The following ZMYM2 variants were observed in gnomAD, a reference collection of about 807,000 sequenced individuals.
ZMYM2 encodes the protein zinc finger MYM-type protein 2.
Under a neutral mutation model 162.8 loss-of-function variants are expected in ZMYM2, and 56 were observed. That is an observed-to-expected ratio of 0.34 (90% CI 0.28 to 0.43). The LOEUF (loss-of-function observed/expected upper bound fraction) is 0.43, where lower values mean the gene tolerates loss of function less well. Among genes scored for constraint, ZMYM2 ranks in the 20% least tolerant of loss-of-function variants. The pLI is 1.00. For missense variants in ZMYM2, 1,275 were observed against 1,621.8 expected (o/e 0.79, Z 3.67); for synonymous variants, 510 against 541.6 (o/e 0.94, Z 0.81).
In ZMYM2 at chr13:19,993,363, C is replaced by G. The variant is rs774888472; in HGVS notation, c.291C>G (p.Ser97=). 6.2e-7 allele frequency: 1 copy of G among 1,613,504 alleles called. No homozygotes were observed. Among genetic ancestry groups the G allele is most frequent in the Admixed American group, 1.7e-5 (1 of 59,922 alleles). The part of the protein sequence containing the change: ...SKNEELQGND[S]KITPSSKELA... ...ATGAAGAACTACAAGGAAATGATTC[C>G]AAAATTACTCCTTCCTCAAAAGAGT... Residue 97 remains serine, a synonymous_variant, in exon 3 of 25, where the codon TCC becomes TCG. Transcript: ENST00000610343.
At chr13:19,903,501 A>G in the ZMYM2 span, among the ~76,000 whole-genome samples, 818 of 150,850 alleles carry the variant, frequency 5.4e-3, 4 homozygotes, top group Middle Eastern at 0.014. Flanking sequence ...AAAAAAAAAA[A>G]AAAGAAAATT....
the ZMYM2 span, among the ~76,000 whole-genome samples, chr13:19,941,590 T>C: frequency 1.1e-4 from 17 of 152,236 alleles, 1 homozygote; most frequent in Admixed American, 1.0e-3. Flanking sequence ...AATTGGCTAG[T>C]TGGCTTTCTG....
At chr13:19,874,503 G>T in the ZMYM2 span, among the ~76,000 whole-genome samples, 9 of 152,280 alleles carry the variant, frequency 5.9e-5, no homozygotes, top group East Asian at 5.8e-4. Flanking sequence ...AAGTAGCTGG[G>T]ATTAGAGATG....
At chr13:19,991,690 G>A (rs1949642679) in intron 2 of ZMYM2, among the ~76,000 whole-genome samples, 1 of 150,922 alleles carries the variant, frequency 6.6e-6, no homozygotes, top group African/African-American at 2.4e-5. Flanking sequence ...GAGTGCAAGG[G>A]CACAATCATG....
At chr13:19,944,474 A>C in the ZMYM2 span, among the ~76,000 whole-genome samples, 1 of 152,312 alleles carries the variant, frequency 6.6e-6, no homozygotes, top group South Asian at 2.1e-4. Context: ...TTAAGATACA[A>C]TGTTGAATTA....
chr13:19,933,931 A>G, the ZMYM2 span, among the ~76,000 whole-genome samples: 2 of 152,248 alleles, frequency 1.3e-5, no homozygotes, highest in Non-Finnish European at 2.9e-5. Context: ...AGTATCCACT[A>G]TACTGAAAAT....
rs563418399 is a variant in ZMYM2 at position 19,977,982 on chromosome 13, T to C, written c.-10-15081T>C. 1.7e-4 allele frequency among the ~76,000 whole-genome samples: 26 copies of C among 151,210 alleles called. No individual in the cohort carries two copies. The East Asian group carries it at 4.9e-3, about 29-fold the overall frequency. On this transcript the variant is annotated intron_variant, in intron 2 of 24. Coordinates refer to ENST00000610343, the MANE Select transcript of ZMYM2 (RefSeq NM_197968.4). ...AGCCCCGCCTCCCGGGTTCATGCCATTATCCTGCCTCAGCCTCCTGAGCAG... is the reference window on the plus strand; with the variant it reads ...AGCCCCGCCTCCCGGGTTCATGCCACTATCCTGCCTCAGCCTCCTGAGCAG...
chr13:20,062,873 G>A lies in ZMYM2; in HGVS notation c.2939G>A (p.Gly980Asp), dbSNP rs758808920. The A allele has an allele frequency of 6.3e-7, 1 of 1,586,942 alleles. No homozygotes were observed. Among genetic ancestry groups the A allele is most frequent in the South Asian group, 1.1e-5 (1 of 87,654 alleles). Residue 980 changes from glycine to aspartate, a missense_variant, in exon 18 of 25, where the codon GGT becomes GAT. Gly to Asp is a moderately conservative substitution (Grantham distance 94). Around this residue, in one of 10 missense-constraint regions of ZMYM2, gnomAD observed 229 missense variants for 283.8 expected, o/e 0.81. Coordinates refer to ENST00000610343, the MANE Select transcript of ZMYM2 (RefSeq NM_197968.4). ...NSVIIETDII[G>D]SDLLKNSDPE... ...GTAATTATTGAAACAGATATAATTG[G>A]TTCAGACCTTTTGAAGAACTCTGAC...
At chr13:20,052,795 A>G (rs2140607089) in intron 14 of ZMYM2, among the ~76,000 whole-genome samples, 1 of 152,338 alleles carries the variant, frequency 6.6e-6, no homozygotes, top group South Asian at 2.1e-4. Flanking sequence ...TGGCAGAACT[A>G]CTTACTAGAG....
At chr13:19,951,082 A>G in the ZMYM2 span, among the ~76,000 whole-genome samples, 2 of 152,182 alleles carry the variant, frequency 1.3e-5, no homozygotes, top group Non-Finnish European at 2.9e-5. Flanking sequence ...TGTGTGGCCC[A>G]AGACAATAAT....
At position 20,019,191 on chromosome 13, in the gene ZMYM2, C is replaced by T. The variant is rs144923809; in HGVS notation, c.1513-356C>T. ...CCAAATGACTTAATTTAGAAAGCTT[C>T]GAGTTTCATTATAAGTGTTAACAGT... On this transcript the variant is annotated intron_variant, in intron 6 of 24. Transcript: ENST00000610343. Among the ~76,000 whole-genome samples the T allele has an allele frequency of 2.8e-3, 422 of 151,766 alleles. 2 individuals are homozygous for T. The highest frequency in any genetic ancestry group is 9.3e-3 in the African/African-American group (385 of 41,340).
rs966628421 is a variant in ZMYM2 at position 20,074,229 on chromosome 13, TGTGTGTGTGA to T, written c.3453+6841_3453+6850del. On this transcript the variant is annotated intron_variant, in intron 21 of 24. Coordinates refer to ENST00000610343, the MANE Select transcript of ZMYM2 (RefSeq NM_197968.4). Reference sequence around the variant, plus strand: ...GTGTGTGTGTGTGTGTGTGTGTGTGTGTGTGTGTGAGAGAGACAGAGAGACAGGGTCTCAC... The same window carrying T: ...GTGTGTGTGTGTGTGTGTGTGTGTGTGAGAGACAGAGAGACAGGGTCTCAC... Among the ~76,000 whole-genome samples, 19 of 143,146 alleles carry T rather than the reference TGTGTGTGTGA, an allele frequency of 1.3e-4. No homozygotes were observed. In the East Asian group the frequency reaches 2.2e-3, roughly 16 times the overall value. The allele number at this position is 143,146 out of a possible 152,430, so 93.9% of individuals were successfully genotyped here. A position where few individuals can be genotyped will look rare whatever the true frequency, so the allele number is the denominator to read the frequency against.
In ZMYM2 at chr13:19,962,823, C is replaced by CA. The variant is rs2139090994; in HGVS notation, c.-11+2798dup. 2.2e-5 allele frequency among the ~76,000 whole-genome samples: 2 copies of CA among 92,352 alleles called. 1 individual carries two copies. Among genetic ancestry groups the CA allele is most frequent in the South Asian group, 7.5e-4 (2 of 2,682 alleles). The allele number at this position is 92,352 out of a possible 152,430, so 60.6% of individuals were successfully genotyped here. On this transcript the variant is annotated intron_variant, in intron 2 of 24. Transcript: ENST00000610343. Reference sequence around the variant, plus strand: ...ACAGGCGTAAGCCACCTTGCCCAGCCATTTTTTTTTTTTTTTTTTTGAGAC... The same window carrying CA: ...ACAGGCGTAAGCCACCTTGCCCAGCCAATTTTTTTTTTTTTTTTTTTGAGAC...
At chr13:19,998,107 G>A (rs1471805570) in intron 3 of ZMYM2, among the ~76,000 whole-genome samples, 1 of 152,134 alleles carries the variant, frequency 6.6e-6, no homozygotes, top group African/African-American at 2.4e-5. Flanking sequence ...GCATTTATAT[G>A]CTGATTTTAT....
In ZMYM2 at chr13:20,047,458, G is replaced by A. The variant is rs151324033; in HGVS notation, c.2293-3975G>A. ...TCATTCCGGCTTATCAGAAAAATAAGCTTCAAGCCAAAGGAAAAAAAGTGC... is the reference window on the plus strand; with the variant it reads ...TCATTCCGGCTTATCAGAAAAATAAACTTCAAGCCAAAGGAAAAAAAGTGC... On this transcript the variant is annotated intron_variant, in intron 12 of 24. Transcript: ENST00000610343. Among the ~76,000 whole-genome samples the A allele has an allele frequency of 2.1e-3, 319 of 152,090 alleles. 2 individuals are homozygous for A. Among genetic ancestry groups the A allele is most frequent in the African/African-American group, 7.3e-3 (301 of 41,476 alleles).
At chr13:19,945,593 A>T in the ZMYM2 span, among the ~76,000 whole-genome samples, 1 of 152,110 alleles carries the variant, frequency 6.6e-6, no homozygotes, top group Admixed American at 6.6e-5. Context: ...AAGTAGTATT[A>T]ATTTATTGGT....
At chr13:19,878,882 G>A in the ZMYM2 span, among the ~76,000 whole-genome samples, 2 of 152,022 alleles carry the variant, frequency 1.3e-5, no homozygotes, top group African/African-American at 4.8e-5. Flanking sequence ...TATATAGACT[G>A]GAAATCAATC....
chr13:19,928,630 C>G, the ZMYM2 span, among the ~76,000 whole-genome samples: 1 of 152,096 alleles, frequency 6.6e-6, no homozygotes, highest in Middle Eastern at 3.4e-3. Context: ...AACCTTGTCT[C>G]TACTAAAAAT....
intron 12 of ZMYM2, among the ~76,000 whole-genome samples, chr13:20,040,374 C>G (rs1211786323): frequency 6.6e-6 from 1 of 152,050 alleles, no homozygotes; most frequent in East Asian, 1.9e-4. Context: ...TTCATGTGCA[C>G]AGAGGTGTTC....
Sources: gnomAD v4.1 joint callset for allele counts (sites outside exome capture counted in the v4.1 genomes callset) on GRCh38, gnomAD v4.1.1 for gene constraint, gnomAD v4.1.1 regional missense constraint, MANE v1.5 for transcripts, NCBI Gene and HGNC (gene_info 2026-07-23, HGNC 2026-07-21) for gene names.